CHRNA6: variants seen among roughly 807,000 people sequenced by gnomAD.
The protein encoded by CHRNA6 is neuronal acetylcholine receptor subunit alpha-6.
CHRNA6 carries 31 observed loss-of-function variants against 40.9 expected under a neutral mutation model. That is an observed-to-expected ratio of 0.76 (90% CI 0.57 to 1.02). The LOEUF is 1.02. Among genes scored for constraint, CHRNA6 ranks in the 50% least tolerant of loss-of-function variants. The pLI is 0.00. For synonymous variants in CHRNA6, 222 were observed against 221.3 expected (o/e 1.00, Z -0.03); for missense variants, 546 against 596.6 (o/e 0.92, Z 0.88).
intron 2 of CHRNA6, among the ~76,000 whole-genome samples, chr8:42,763,112 A>G (rs1276461459): frequency 6.6e-6 from 1 of 152,188 alleles, no homozygotes; most frequent in Non-Finnish European, 1.5e-5. Flanking sequence ...TGTGAATGTG[A>G]GGATGGGAAT....
intron 1 of CHRNA6, among the ~76,000 whole-genome samples, chr8:42,766,471 G>A (rs527331342): frequency 1.4e-5 from 2 of 146,702 alleles, no homozygotes; most frequent in Admixed American, 1.3e-4. Context: ...CAGCCTGGGC[G>A]ACAGAGTGAG....
In CHRNA6 at chr8:42,768,749, C is replaced by T. The variant is rs888359123; in HGVS notation, c.-319G>A. ...AGAAATGCTGGGGCAGACAGGACCC[C>T]GGGAGGATGAACACCTGTGAGTGGC... On this transcript the variant is annotated 5_prime_UTR_variant, in exon 1 of 6. Transcript: ENST00000276410. The T allele has an allele frequency of 4.2e-5, 10 of 236,386 alleles. No homozygotes were observed. The highest frequency in any genetic ancestry group is 9.0e-5 in the South Asian group (1 of 11,056). The allele number at this position is 236,386 out of a possible 1,614,324, so 14.6% of individuals were successfully genotyped here.
At chr8:42,758,520 G>A (rs577312910) in intron 3 of CHRNA6, among the ~76,000 whole-genome samples, 5 of 151,832 alleles carry the variant, frequency 3.3e-5, no homozygotes, top group South Asian at 4.2e-4. Context: ...CCACCACGCC[G>A]GGCTAATTTT....
rs369966241 is a variant in CHRNA6, at chr8:42,756,501, G to C, written c.698C>G (p.Ser233Cys). 1 of 1,614,060 alleles carries C rather than the reference G, an allele frequency of 6.2e-7. No individual in the cohort carries two copies. The highest frequency in any genetic ancestry group is 1.3e-5 in the African/African-American group (1 of 75,074). Residue 233 changes from serine (S) to cysteine (C), a missense_variant, in exon 5 of 6, where the codon TCT becomes TGT. Ser to Cys is a moderately radical substitution (Grantham distance 112). This residue lies in a region of CHRNA6 where 476 missense variants were observed against 494.5 expected (regional missense o/e 0.96). Transcript: ENST00000276410. The stretch of plus-strand genomic sequence containing the variant: ...CATCGGCAATCTTCTAATGTAGAAA[G>C]AATAGGTTATATCTGTGTATATCTC... ...CEEIYTDITY[S>C]FYIRRLPMFY... is the part of the protein sequence containing the mutation.
chr8:42,768,423 G>A lies in CHRNA6; in HGVS notation c.8C>T (p.Thr3Ile), dbSNP rs1817001373. The change falls in exon 1 of 6, where the codon ACC (threonine) becomes ATC (isoleucine). Residue 3 changes from threonine (T) to isoleucine (I), a missense_variant. Coordinates refer to ENST00000276410, the MANE Select transcript of CHRNA6 (RefSeq NM_004198.3). ...ATGAAGGAATCCCTGCCCCTTGCTG[G>A]TCAGCATGGTTAAAACACACTTGGA... ML[T>I]SKGQGFLHGG... is the part of the protein sequence containing the mutation. 6.2e-7 allele frequency: 1 copy of A among 1,613,326 alleles called. No individual in the cohort carries two copies. Among genetic ancestry groups the A allele is most frequent in the Non-Finnish European group, 8.5e-7 (1 of 1,179,422 alleles).
rs1393071489 is a variant in CHRNA6 at position 42,756,541 on chromosome 8, A to T, written c.658T>A (p.Tyr220Asn). Residue 220 changes from tyrosine to asparagine, a missense_variant, in exon 5 of 6, where the codon TAC (tyrosine) becomes AAC (asparagine). This residue lies in a region of CHRNA6 where 476 missense variants were observed against 494.5 expected (regional missense o/e 0.96). Transcript: ENST00000276410. ...DASGYKHDIKYNCCEEIYTDI... is the reference protein window; with the variant it reads ...DASGYKHDIKNNCCEEIYTDI... ...GTGTATATCTCTTCACAACAGTTGT[A>T]TTTGATGTCATGTTTGTAGCCAGAG... 3.1e-6 allele frequency: 5 copies of T among 1,614,064 alleles called. No homozygotes were observed.
intron 2 of CHRNA6, among the ~76,000 whole-genome samples, chr8:42,760,966 G>A (rs895324227): frequency 6.6e-6 from 1 of 152,140 alleles, no homozygotes; most frequent in Non-Finnish European, 1.5e-5. Context: ...AGCCAACCTT[G>A]CTTCCCAAGA....
rs1816793925 is a variant in CHRNA6, at chr8:42,756,049, C to A, written c.1150G>T (p.Ala384Ser). 8 of 1,614,232 alleles carry A rather than the reference C, an allele frequency of 5.0e-6. No homozygotes were observed. The East Asian group carries it at 1.6e-4, about 31-fold the overall frequency. ...AGATGTCTGGGTTCCCCATGGCTTGCAAGCTTGCCTTTGGCAGGCCTCCTG... is the reference window on the plus strand; with the variant it reads ...AGATGTCTGGGTTCCCCATGGCTTGAAAGCTTGCCTTTGGCAGGCCTCCTG... Reference protein sequence around the residue: ...LARRPAKGKLASHGEPRHLKE... With the variant: ...LARRPAKGKLSSHGEPRHLKE... Residue 384 changes from alanine to serine, a missense_variant, in exon 5 of 6, where the codon GCA (alanine) becomes TCA (serine). By Grantham distance (99) the Ala-to-Ser change is moderately conservative. Around this residue, in one of 3 missense-constraint regions of CHRNA6, gnomAD observed 476 missense variants for 494.5 expected, o/e 0.96. Coordinates refer to ENST00000276410, the MANE Select transcript of CHRNA6 (RefSeq NM_004198.3).
At position 42,755,983 on chromosome 8, in the gene CHRNA6, T is replaced by C. The variant is rs770847142; in HGVS notation, c.1216A>G (p.Thr406Ala). The C allele has an allele frequency of 1.9e-6, 3 of 1,614,282 alleles. No homozygotes were observed. Among genetic ancestry groups the C allele is most frequent in the East Asian group, 2.2e-5 (1 of 44,894 alleles). Residue 406 changes from threonine (T) to alanine (A), a missense_variant, in exon 5 of 6, where the codon ACA becomes GCA. Thr to Ala is a moderately conservative substitution (Grantham distance 58, BLOSUM62 0). Transcript: ENST00000276410. ...TGATGACTTAATCTTCTCTTGCTTG[T>C]GGCAAGCTCATTTGATTTGTGACAA... ...FHCHKSNELATSKRRLSHQPL... is the reference protein window; with the variant it reads ...FHCHKSNELAASKRRLSHQPL...
At chr8:42,758,019 A>G (rs1816835535) in intron 3 of CHRNA6, among the ~76,000 whole-genome samples, 1 of 152,078 alleles carries the variant, frequency 6.6e-6, no homozygotes, top group South Asian at 2.1e-4. Context: ...TGGGCGACAG[A>G]GCGAGACTCC....
intron 5 of CHRNA6, among the ~76,000 whole-genome samples, chr8:42,753,692 A>T (rs1193460985): frequency 6.6e-6 from 1 of 152,170 alleles, no homozygotes; most frequent in Non-Finnish European, 1.5e-5. Flanking sequence ...AATAAAAATG[A>T]AAATAAAGCA....
chr8:42,767,012 C>G (rs1243768444), intron 1 of CHRNA6, among the ~76,000 whole-genome samples: 1 of 152,216 alleles, frequency 6.6e-6, no homozygotes, highest in Non-Finnish European at 1.5e-5. Context: ...GTTGCCCAGG[C>G]ATGGTCATGC....
At position 42,753,097 on chromosome 8, in the gene CHRNA6, C is replaced by A; in HGVS notation, c.*82G>T. On this transcript the variant is annotated 3_prime_UTR_variant, in exon 6 of 6. Transcript: ENST00000276410. Reference sequence around the variant, plus strand: ...GCAGATGGGGGACTTGGGTGGGAAGCCTTTGCTTTCCTTTCCTTGTGGCAG... The same window carrying A: ...GCAGATGGGGGACTTGGGTGGGAAGACTTTGCTTTCCTTTCCTTGTGGCAG... 2 of 1,344,642 alleles carry A rather than the reference C, an allele frequency of 1.5e-6. No individual in the cohort carries two copies. Among genetic ancestry groups the A allele is most frequent in the Non-Finnish European group, 1.0e-6 (1 of 981,170 alleles). 83.3% of individuals were successfully genotyped at this position (1,344,642 alleles called of 1,614,324 possible).
rs1356059742 is a variant in CHRNA6 at position 42,755,923 on chromosome 8, A to G, written c.1276T>C (p.Ser426Pro). The change falls in exon 5 of 6, where the codon TCG becomes CCG. Residue 426 changes from serine (S) to proline (P), a missense_variant. By Grantham distance (74) the Ser-to-Pro change is moderately conservative (BLOSUM62 -1). This residue lies in a region of CHRNA6 where 65 missense variants were observed against 83.8 expected (regional missense o/e 0.78). Transcript: ENST00000276410. The part of the protein sequence containing the change: ...LQWVVENSEH[S>P]PEVEDVINSV... ...TTAATCACATCTTCAACTTCAGGCG[A>G]GTGCTCCGAATTTTCCACCACCCAC... 4 of 1,614,234 alleles carry G rather than the reference A, an allele frequency of 2.5e-6. No individual in the cohort carries two copies. The highest frequency in any genetic ancestry group is 3.4e-6 in the Non-Finnish European group (4 of 1,180,042).
intron 2 of CHRNA6, among the ~76,000 whole-genome samples, chr8:42,764,232 A>G (rs940224001): frequency 4.6e-5 from 7 of 152,304 alleles, no homozygotes; most frequent in African/African-American, 1.7e-4. Flanking sequence ...GCCCTTGAAC[A>G]TGGTAGCAAG....
At chr8:42,758,463 G>A (rs1296513015) in intron 3 of CHRNA6, among the ~76,000 whole-genome samples, 2 of 151,742 alleles carry the variant, frequency 1.3e-5, no homozygotes, top group African/African-American at 4.9e-5. Flanking sequence ...TGGTTCAAGC[G>A]ATTCTCCTGC....
chr8:42,756,038 C>A lies in CHRNA6; in HGVS notation c.1161G>T (p.Gly387=), dbSNP rs1280334097. ...RPAKGKLASH[G]EPRHLKECFH... ...AGCATTCTTTAAGATGTCTGGGTTC[C>A]CCATGGCTTGCAAGCTTGCCTTTGG... The change falls in exon 5 of 6, where the codon GGG becomes GGT. Residue 387 remains glycine, a synonymous_variant. Coordinates refer to ENST00000276410, the MANE Select transcript of CHRNA6 (RefSeq NM_004198.3). 3.1e-6 allele frequency: 5 copies of A among 1,614,116 alleles called. No individual in the cohort carries two copies. The highest frequency in any genetic ancestry group is 4.2e-6 in the Non-Finnish European group (5 of 1,180,054).
chr8:42,767,861 G>A (rs1050037828), intron 1 of CHRNA6, among the ~76,000 whole-genome samples: 2 of 152,120 alleles, frequency 1.3e-5, no homozygotes, highest in Non-Finnish European at 2.9e-5. Context: ...AACAGCAGTG[G>A]TCCGTTTCTA....
At chr8:42,764,435 C>T (rs1021528298) in intron 2 of CHRNA6, among the ~76,000 whole-genome samples, 21 of 151,990 alleles carry the variant, frequency 1.4e-4, no homozygotes, top group African/African-American at 5.1e-4. Context: ...TCAAGCAATC[C>T]TCCCACCTCA....
Sources: gnomAD v4.1 joint callset for allele counts (sites outside exome capture counted in the v4.1 genomes callset) on GRCh38, gnomAD v4.1.1 for gene constraint, gnomAD v4.1.1 regional missense constraint, MANE v1.5 for transcripts, NCBI Gene and HGNC (gene_info 2026-07-23, HGNC 2026-07-21) for gene names.